MYLK: variants seen among roughly 807,000 people sequenced by gnomAD.
MYLK encodes the protein myosin light chain kinase, also known as myosin light chain kinase, smooth muscle.
A neutral mutation model predicts 203.4 loss-of-function variants in MYLK; 106 were observed. The ratio of observed to expected loss-of-function variants is 0.52; its 90% CI spans 0.45 to 0.61. The LOEUF (loss-of-function observed/expected upper bound fraction) is 0.61. MYLK is among the 20% of genes least tolerant of loss of function. The pLI is 0.00. For synonymous variants in MYLK, 867 were observed against 959.5 expected, an observed-to-expected ratio of 0.90 and a Z score of 1.78; for missense variants, 2,072 against 2,442.3, an observed-to-expected ratio of 0.85 and a Z score of 3.20.
intron 2 of MYLK, among the ~76,000 whole-genome samples, chr3:123,844,326 C>T (rs2066660707): frequency 6.6e-6 from 1 of 152,158 alleles, no homozygotes. Context: ...GTAGCCCTGG[C>T]AGGCCTGATC....
chr3:123,759,660 T>G (rs538079222), intron 4 of MYLK, among the ~76,000 whole-genome samples: 10 of 152,344 alleles, frequency 6.6e-5, no homozygotes, highest in African/African-American at 2.4e-4. Flanking sequence ...TAGGCATATG[T>G]TCCAAGCCAG....
intron 20 of MYLK, chr3:123,681,926 G>A: frequency 2.2e-6 from 1 of 447,952 alleles, no homozygotes; most frequent in South Asian, 2.2e-5. Flanking sequence ...GTCTTGGTGG[G>A]AAGTGAAAGG....
chr3:123,848,771 G>T (rs1024786999), intron 2 of MYLK, among the ~76,000 whole-genome samples: 1 of 152,114 alleles, frequency 6.6e-6, no homozygotes. Flanking sequence ...TGAAAATTAT[G>T]TTTAGATGAC....
chr3:123,865,991 G>A (rs1177964865), intron 2 of MYLK, among the ~76,000 whole-genome samples: 1 of 152,194 alleles, frequency 6.6e-6, no homozygotes, highest in East Asian at 1.9e-4. Context: ...TCTGGCTCCA[G>A]GTATCCCAGC....
chr3:123,649,702 CTCCTT>C (rs1183546448), intron 24 of MYLK, among the ~76,000 whole-genome samples: 1 of 152,186 alleles, frequency 6.6e-6, no homozygotes, highest in Non-Finnish European at 1.5e-5. Context: ...GGCATGGTCT[CTCCTT>C]TCTTATAGCT....
chr3:123,801,774 C>T (rs2065204433), intron 3 of MYLK, among the ~76,000 whole-genome samples: 1 of 152,206 alleles, frequency 6.6e-6, no homozygotes, highest in African/African-American at 2.4e-5. Flanking sequence ...TTTTTTATGG[C>T]TGCATAATAG....
At chr3:123,840,370 TTATATA>T (rs56361020) in intron 2 of MYLK, among the ~76,000 whole-genome samples, 73 of 148,714 alleles carry the variant, frequency 4.9e-4, no homozygotes, top group Middle Eastern at 3.5e-3. Context: ...CCTACAGACA[TTATATA>T]TATATATATA....
intron 3 of MYLK, among the ~76,000 whole-genome samples, chr3:123,825,376 A>C (rs909571805): frequency 5.9e-5 from 9 of 152,154 alleles, no homozygotes; most frequent in African/African-American, 2.2e-4. Context: ...TCCCCTGCCA[A>C]GATTGTCTGG....
Position 123,629,325 on chromosome 3 carries a change from C to G in MYLK, c.5114+149G>C, listed in dbSNP as rs1338339378. The G allele has an allele frequency of 4.2e-6, 4 of 957,930 alleles. No individual in the cohort carries two copies. Among genetic ancestry groups the G allele is most frequent in the African/African-American group, 3.2e-5 (2 of 61,820 alleles). 59.3% of individuals were successfully genotyped at this position (957,930 alleles called of 1,614,324 possible). On this transcript the variant is annotated intron_variant, in intron 30 of 33. Transcript: ENST00000360304. The surrounding 1 kb of genome is among the most constrained non-coding windows in gnomAD (Gnocchi z 4.4). ...ACCCACATGCATTCGGGTCTCTTACCATGCCCACCCTCCCTTCCTCAGGGA... is the reference window on the plus strand; with the variant it reads ...ACCCACATGCATTCGGGTCTCTTACGATGCCCACCCTCCCTTCCTCAGGGA...
intron 11 of MYLK, among the ~76,000 whole-genome samples, chr3:123,731,797 A>G (rs1391468991): frequency 6.8e-6 from 1 of 146,638 alleles, no homozygotes; most frequent in Non-Finnish European, 1.5e-5. Flanking sequence ...AAAAAAAGTA[A>G]CAAGACCACC....
chr3:123,653,240 CACACACACACACACGTGCGTGA>C (rs1192791539), intron 24 of MYLK, among the ~76,000 whole-genome samples: 2 of 151,510 alleles, frequency 1.3e-5, no homozygotes, highest in African/African-American at 4.8e-5. Flanking sequence ...TCTCTGCCAA[CACACACACACACACGTGCGTGA>C]ACACACACGC....
Position 123,737,151 on chromosome 3 carries a change from G to A in MYLK, c.754+227C>T, listed in dbSNP as rs572171324. Reference sequence around the variant, plus strand: ...GGAGAATCGCTTGAACCTGGGTGGCGGAGGTTGCAGTGAGCTGAGGTCATG... The same window carrying A: ...GGAGAATCGCTTGAACCTGGGTGGCAGAGGTTGCAGTGAGCTGAGGTCATG... On this transcript the variant is annotated intron_variant, in intron 8 of 33. Transcript: ENST00000360304. 1.7e-5 allele frequency: 9 copies of A among 542,392 alleles called. No individual in the cohort carries two copies. In the Admixed American group the frequency reaches 1.9e-4, roughly 11 times the overall value. The allele number at this position is 542,392 out of a possible 1,614,324, so 33.6% of individuals were successfully genotyped here.
intron 24 of MYLK, among the ~76,000 whole-genome samples, chr3:123,652,931 C>T (rs572419678): frequency 5.3e-5 from 8 of 152,228 alleles, no homozygotes; most frequent in African/African-American, 1.4e-4. Context: ...CATGCTTTGT[C>T]CCCCAGTGTA....
intron 20 of MYLK, among the ~76,000 whole-genome samples, chr3:123,671,389 G>A (rs563373503): frequency 7.9e-5 from 12 of 152,330 alleles, no homozygotes; most frequent in Non-Finnish European, 1.5e-4. Context: ...GAGGGGCGGA[G>A]GCCAGGGTTT....
Position 123,880,665 on chromosome 3 carries a change from T to A in MYLK, c.-186+3541A>T, listed in dbSNP as rs74580812. 5.7e-5 allele frequency among the ~76,000 whole-genome samples: 7 copies of A among 123,018 alleles called. No homozygotes were observed. The East Asian group carries it at 1.7e-3, about 29-fold the overall frequency. 80.7% of individuals were successfully genotyped at this position (123,018 alleles called of 152,430 possible). ...GGACAACGTGGGAAATCTAAGAAGC[T>A]GGATCTACACAAAAATTTCCACAGC... On this transcript the variant is annotated intron_variant, in intron 1 of 33. Coordinates refer to ENST00000360304, the MANE Select transcript of MYLK (RefSeq NM_053025.4).
At chr3:123,618,804 T>TC (rs1559967098) in intron 32 of MYLK, 34 bp from the exon 33 acceptor site, 8 of 1,613,458 alleles carry the variant, frequency 5.0e-6, no homozygotes, top group Non-Finnish European at 5.9e-6. Flanking sequence ...GGTCATTTCT[T>TC]CACTCGTTGT....
chr3:123,664,942 T>C (rs2059688028), intron 22 of MYLK, among the ~76,000 whole-genome samples: 1 of 151,644 alleles, frequency 6.6e-6, no homozygotes, highest in Non-Finnish European at 1.5e-5. Context: ...ATACTGAGAG[T>C]AGATGAGTGG....
intron 2 of MYLK, among the ~76,000 whole-genome samples, chr3:123,844,610 C>T (rs890172294): frequency 3.3e-5 from 5 of 152,146 alleles, no homozygotes; most frequent in African/African-American, 7.2e-5. Flanking sequence ...ACCACTCCAT[C>T]GGGTTGTGAT....
At chr3:123,736,650 G>C (rs1187745451) in intron 8 of MYLK, among the ~76,000 whole-genome samples, 1 of 152,174 alleles carries the variant, frequency 6.6e-6, no homozygotes, top group Non-Finnish European at 1.5e-5. Context: ...AGGAACATGG[G>C]AACCCTGGTA....
Sources: gnomAD v4.1 joint callset for allele counts (sites outside exome capture counted in the v4.1 genomes callset) on GRCh38, gnomAD v4.1.1 for gene constraint, Gnocchi (gnomAD v3.1) non-coding constraint, MANE v1.5 for transcripts, NCBI Gene and HGNC (gene_info 2026-07-23, HGNC 2026-07-21) for gene names.